EEFSEC: variants seen among roughly 807,000 people sequenced by gnomAD.
EEFSEC encodes the protein eukaryotic elongation factor, selenocysteine-tRNA specific.
EEFSEC carries 43 observed loss-of-function variants against 42.1 expected under a neutral mutation model. The observed-to-expected ratio is 1.02, with a 90% CI of 0.80 to 1.32. The LOEUF (loss-of-function observed/expected upper bound fraction) is 1.32, where lower values mean the gene tolerates loss of function less well. EEFSEC is among the 40% of genes most tolerant of loss of function. The pLI is 0.00. For missense variants in EEFSEC, 745 were observed against 803.6 expected, an observed-to-expected ratio of 0.93 and a Z score of 0.88; for synonymous variants, 354 against 339.1, an observed-to-expected ratio of 1.04 and a Z score of -0.48.
chr3:128,372,510 C>T (rs1202106202), intron 6 of EEFSEC, among the ~76,000 whole-genome samples: 2 of 152,198 alleles, frequency 1.3e-5, no homozygotes, highest in African/African-American at 4.8e-5. Context: ...TCATCACAGT[C>T]ACTAGCAAGG....
chr3:128,323,108 C>T (rs1291701430), intron 4 of EEFSEC, among the ~76,000 whole-genome samples: 1 of 152,218 alleles, frequency 6.6e-6, no homozygotes, highest in Non-Finnish European at 1.5e-5. Context: ...GAATGCATGA[C>T]AGCTTTTGGG....
intron 1 of EEFSEC, among the ~76,000 whole-genome samples, chr3:128,182,886 G>T (rs189499838): frequency 2.2e-4 from 33 of 149,698 alleles, no homozygotes; most frequent in African/African-American, 5.5e-4. Flanking sequence ...ATCGGGGCGG[G>T]GGGGTGGGGT....
At chr3:128,415,633 C>G in the EEFSEC span, among the ~76,000 whole-genome samples, 2 of 152,226 alleles carry the variant, frequency 1.3e-5, no homozygotes, top group Non-Finnish European at 2.9e-5. Context: ...TGATGCTGCC[C>G]TCGCCGCCGG....
intron 4 of EEFSEC, among the ~76,000 whole-genome samples, chr3:128,281,369 A>C (rs2066524040): frequency 6.6e-6 from 1 of 152,060 alleles, no homozygotes. Flanking sequence ...CTTCCATTTT[A>C]GCTGAGATTT....
intron 4 of EEFSEC, among the ~76,000 whole-genome samples, chr3:128,272,541 G>T (rs964063861): frequency 1.3e-5 from 2 of 152,214 alleles, no homozygotes; most frequent in African/African-American, 4.8e-5. Context: ...GAGGGCTGCT[G>T]TGTGTCTGCC....
At chr3:128,251,049 C>A (rs1396720251) in intron 2 of EEFSEC, among the ~76,000 whole-genome samples, 2 of 150,728 alleles carry the variant, frequency 1.3e-5, no homozygotes, top group Non-Finnish European at 3.0e-5. Context: ...TTGGATTGTT[C>A]ATTGCTGGTG....
At chr3:128,311,976 G>C (rs2066894929) in intron 4 of EEFSEC, among the ~76,000 whole-genome samples, 1 of 152,156 alleles carries the variant, frequency 6.6e-6, no homozygotes, top group African/African-American at 2.4e-5. Context: ...ACCTCTCTAT[G>C]TTGGAATCCC....
At chr3:128,415,725 A>C in the EEFSEC span, among the ~76,000 whole-genome samples, 2 of 152,082 alleles carry the variant, frequency 1.3e-5, no homozygotes, top group African/African-American at 4.8e-5. Context: ...GGGTGGGAGG[A>C]AGAGAAGCAG....
intron 5 of EEFSEC, among the ~76,000 whole-genome samples, chr3:128,353,293 C>T (rs2067410842): frequency 6.6e-6 from 1 of 152,202 alleles, no homozygotes; most frequent in Non-Finnish European, 1.5e-5. Context: ...CTCTTGGCCC[C>T]TATAACCATA....
intron 6 of EEFSEC, among the ~76,000 whole-genome samples, chr3:128,372,690 A>G (rs1232816532): frequency 6.6e-6 from 1 of 152,158 alleles, no homozygotes; most frequent in African/African-American, 2.4e-5. Context: ...CAGTGTAGAA[A>G]TCCACTCTTT....
chr3:128,254,031 T>TTC (rs1263373191), intron 2 of EEFSEC, among the ~76,000 whole-genome samples: 1 of 152,160 alleles, frequency 6.6e-6, no homozygotes, highest in African/African-American at 2.4e-5. Flanking sequence ...GGGATGAGGT[T>TTC]TTAAAGGCCA....
chr3:128,153,729 G>T lies in EEFSEC; in HGVS notation c.222G>T (p.Ala74=), dbSNP rs1311665807. ...LRSSLPEFQA[A]PEAEPEPGEP... ...CGTCTTTGCCCGAGTTCCAGGCAGC[G>T]CCCGAGGCCGAGCCCGAGCCCGGCG... Residue 74 remains alanine (A), a synonymous_variant, in exon 1 of 7, where the codon GCG becomes GCT. Coordinates refer to ENST00000254730, the MANE Select transcript of EEFSEC (RefSeq NM_021937.5). 6.4e-6 allele frequency: 10 copies of T among 1,555,236 alleles called. No homozygotes were observed. The highest frequency in any genetic ancestry group is 4.2e-5 in the African/African-American group (3 of 72,008).
intron 1 of EEFSEC, among the ~76,000 whole-genome samples, chr3:128,200,295 CT>C (rs1197009245): frequency 3.4e-5 from 5 of 148,976 alleles, no homozygotes; most frequent in East Asian, 2.0e-4. Context: ...ACATGAATCT[CT>C]TTTTTTTTTG....
At chr3:128,385,169 C>A (rs2067823936) in intron 6 of EEFSEC, among the ~76,000 whole-genome samples, 1 of 152,224 alleles carries the variant, frequency 6.6e-6, no homozygotes, top group Non-Finnish European at 1.5e-5. Flanking sequence ...AGCATGCAGT[C>A]TGGACACCTC....
At chr3:128,382,107 A>G (rs758141693) in intron 6 of EEFSEC, among the ~76,000 whole-genome samples, 1 of 152,196 alleles carries the variant, frequency 6.6e-6, no homozygotes, top group African/African-American at 2.4e-5. Context: ...AATGGGGGCT[A>G]TGACGCCCAG....
intron 6 of EEFSEC, among the ~76,000 whole-genome samples, chr3:128,364,246 G>A (rs1252510579): frequency 6.6e-6 from 1 of 152,180 alleles, no homozygotes; most frequent in Non-Finnish European, 1.5e-5. Context: ...TCAGAGTCCT[G>A]TCCCAAGGTG....
chr3:128,372,361 A>T (rs1349611937), intron 6 of EEFSEC, among the ~76,000 whole-genome samples: 2 of 152,104 alleles, frequency 1.3e-5, no homozygotes, highest in African/African-American at 4.8e-5. Context: ...CATGCCCTGG[A>T]CTGCCATGGC....
At chr3:128,386,294 T>TA (rs2067837122) in intron 6 of EEFSEC, among the ~76,000 whole-genome samples, 1 of 152,150 alleles carries the variant, frequency 6.6e-6, no homozygotes, top group Non-Finnish European at 1.5e-5. Flanking sequence ...GTTGGGGCCA[T>TA]ACCCTAGCAG....
At chr3:128,412,545 C>T (rs1472473959), downstream of EEFSEC, among the ~76,000 whole-genome samples, 2 of 152,188 alleles carry the variant, frequency 1.3e-5, no homozygotes, top group East Asian at 1.9e-4. Context: ...AAGGGTGGCA[C>T]CTGCCAGAGG....
Sources: gnomAD v4.1 joint callset for allele counts (sites outside exome capture counted in the v4.1 genomes callset) on GRCh38, gnomAD v4.1.1 for gene constraint, MANE v1.5 for transcripts, NCBI Gene and HGNC (gene_info 2026-07-23, HGNC 2026-07-21) for gene names.